Variants in ZNF236 observed in about 807,000 individuals in gnomAD.
ZNF236 encodes the protein regulated by glucose.
ZNF236 carries 50 observed loss-of-function variants against 191.2 expected under a neutral mutation model. The observed-to-expected ratio is 0.26, with a 90% CI of 0.21 to 0.33. The LOEUF is 0.33. Among genes scored for constraint, ZNF236 ranks in the 10% least tolerant of loss-of-function variants. The pLI, the probability that ZNF236 is intolerant of heterozygous loss-of-function variation, is 1.00. For synonymous variants in ZNF236, 907 were observed against 928.8 expected, an observed-to-expected ratio of 0.98 and a Z score of 0.43; for missense variants, 1,754 against 2,374.5, an observed-to-expected ratio of 0.74 and a Z score of 5.43.
intron 26 of ZNF236, among the ~76,000 whole-genome samples, chr18:76,944,264 A>T (rs755757528): frequency 1.3e-5 from 2 of 152,150 alleles, no homozygotes; most frequent in Non-Finnish European, 2.9e-5. Context: ...TTACATTCTC[A>T]TGTTGCAAAA....
At chr18:76,860,833 C>A (rs986498136) in intron 3 of ZNF236, among the ~76,000 whole-genome samples, 1 of 152,220 alleles carries the variant, frequency 6.6e-6, no homozygotes, top group Admixed American at 6.5e-5. Flanking sequence ...TTACTACTCA[C>A]CCCTGCTTCT....
Position 76,880,300 on chromosome 18 carries a change from A to G in ZNF236, c.1172A>G (p.Asn391Ser), listed in dbSNP as rs769684485. ...GQQLSITVGI[N>S]QDILQQALEN... The stretch of plus-strand genomic sequence containing the variant: ...CAGCTGAGCATCACAGTGGGCATCA[A>G]CCAGGACATTTTACAGGTGAAGCAC... Residue 391 changes from asparagine (N) to serine (S), a missense_variant, in exon 8 of 31, where the codon AAC becomes AGC. This residue lies in a region of ZNF236 where 336 missense variants were observed against 495.1 expected (regional missense o/e 0.68). Coordinates refer to ENST00000320610, the MANE Select transcript of ZNF236 (RefSeq NM_001306089.2). This position sits in a 1 kb window ranked among gnomAD's most constrained non-coding sequence, Gnocchi z 5.0. 11 of 1,612,520 alleles carry G rather than the reference A, an allele frequency of 6.8e-6. No individual in the cohort carries two copies. The highest frequency in any genetic ancestry group is 1.3e-5 in the African/African-American group (1 of 74,870).
chr18:76,836,086 T>C (rs1306767314), intron 1 of ZNF236, among the ~76,000 whole-genome samples: 3 of 152,010 alleles, frequency 2.0e-5, no homozygotes, highest in African/African-American at 4.8e-5. Flanking sequence ...TTTTGTATTT[T>C]TAGTAGAGAC....
intron 30 of ZNF236, among the ~76,000 whole-genome samples, chr18:76,965,174 T>C (rs536028827): frequency 1.3e-5 from 2 of 152,342 alleles, no homozygotes; most frequent in East Asian, 1.9e-4. Flanking sequence ...TTCTATTCTA[T>C]TGCTGAGACT....
intron 28 of ZNF236, among the ~76,000 whole-genome samples, 154 bp from the exon 29 acceptor site, chr18:76,959,533 G>A (rs760340472): frequency 2.0e-5 from 3 of 152,140 alleles, no homozygotes; most frequent in Non-Finnish European, 4.4e-5. Context: ...TGTCACTACC[G>A]ATGCATTGAA....
chr18:76,954,036 C>T (rs1273079130), intron 27 of ZNF236, among the ~76,000 whole-genome samples: 1 of 152,166 alleles, frequency 6.6e-6, no homozygotes, highest in African/African-American at 2.4e-5. Flanking sequence ...AATCATCTCA[C>T]ACTCATTCTG....
At chr18:76,874,932 G>C (rs1013936771) in intron 5 of ZNF236, among the ~76,000 whole-genome samples, 14 of 152,220 alleles carry the variant, frequency 9.2e-5, no homozygotes, top group African/African-American at 3.1e-4. Flanking sequence ...TTTACTCTAG[G>C]GGGGATTGGA....
chr18:76,877,085 C>G (rs534866428), intron 6 of ZNF236, among the ~76,000 whole-genome samples: 125 of 152,308 alleles, frequency 8.2e-4, no homozygotes, highest in African/African-American at 2.9e-3. Flanking sequence ...AGCTAGCCTT[C>G]ATAGTTCTAC....
chr18:76,849,817 A>C, intron 2 of ZNF236, 149 bp downstream of exon 2: 1 of 734,914 alleles, frequency 1.4e-6, no homozygotes, highest in Non-Finnish European at 1.9e-6. Flanking sequence ...GCCTTTTTAA[A>C]AGTTGTAGTT....
intron 27 of ZNF236, 141 bp downstream of exon 27, chr18:76,947,793 C>A: frequency 2.1e-6 from 2 of 952,202 alleles, no homozygotes; most frequent in Non-Finnish European, 3.0e-6. Flanking sequence ...CCGGCTGAAT[C>A]CTGAGTGGAC....
chr18:76,839,754 T>C (rs1218656807), intron 1 of ZNF236, among the ~76,000 whole-genome samples: 4 of 152,196 alleles, frequency 2.6e-5, no homozygotes, highest in Non-Finnish European at 4.4e-5. Context: ...CTCTCCACAG[T>C]TCTCTGTGGC....
At position 76,951,546 on chromosome 18, in the gene ZNF236, G is replaced by A. The variant is rs186132174; in HGVS notation, c.4914+3894G>A. The stretch of plus-strand genomic sequence containing the variant: ...TAACATGGAAGAGAGTTAGAGTCTT[G>A]CTCTGGATTAGGCTTTGGCTTAAGC... On this transcript the variant is annotated intron_variant, in intron 27 of 30. Transcript: ENST00000320610. Among the ~76,000 whole-genome samples, 25 of 152,318 alleles carry A rather than the reference G, an allele frequency of 1.6e-4. No homozygotes were observed. In the East Asian group the frequency reaches 4.8e-3, roughly 29 times the overall value.
At chr18:76,955,325 G>A (rs1416062690) in intron 27 of ZNF236, among the ~76,000 whole-genome samples, 1 of 152,130 alleles carries the variant, frequency 6.6e-6, no homozygotes, top group Non-Finnish European at 1.5e-5. Flanking sequence ...GCTGGGGTGG[G>A]AGGATTGCTT....
intron 1 of ZNF236, chr18:76,841,106 G>A (rs1975483475): frequency 6.6e-6 from 1 of 152,212 alleles, no homozygotes; most frequent in Non-Finnish European, 1.5e-5. Flanking sequence ...ACCCGGCTAA[G>A]TTTTATATTT....
intron 19 of ZNF236, among the ~76,000 whole-genome samples, chr18:76,918,948 G>A (rs1465758447): frequency 1.3e-5 from 2 of 152,158 alleles, no homozygotes; most frequent in Non-Finnish European, 2.9e-5. Flanking sequence ...CTATGGATGT[G>A]GAAGGCACAG....
At chr18:76,861,098 A>C (rs1017013814) in intron 3 of ZNF236, among the ~76,000 whole-genome samples, 4 of 152,192 alleles carry the variant, frequency 2.6e-5, no homozygotes, top group African/African-American at 9.7e-5. Flanking sequence ...ACATGAGCAG[A>C]GGGGAAAAAG....
At chr18:76,943,178 T>G (rs1315565067) in intron 26 of ZNF236, among the ~76,000 whole-genome samples, 1 of 151,642 alleles carries the variant, frequency 6.6e-6, no homozygotes. Context: ...GCAAAAAATT[T>G]GGAATATATA....
intron 11 of ZNF236, among the ~76,000 whole-genome samples, chr18:76,903,580 C>T (rs1041056723): frequency 3.3e-5 from 5 of 152,134 alleles, no homozygotes; most frequent in Non-Finnish European, 1.5e-5. Flanking sequence ...AAAATCTTGG[C>T]CAATGCCTCC....
Position 76,926,634 on chromosome 18 carries a change from G to A in ZNF236, c.4028-403G>A, listed in dbSNP as rs914810970. ...GGTATAAAGGGTGATTAGACAGTGT[G>A]TGTATATATGGTATAAAGGGTGATT... On this transcript the variant is annotated intron_variant, in intron 22 of 30. Transcript: ENST00000320610. Among the ~76,000 whole-genome samples, 44 of 151,858 alleles carry A rather than the reference G, an allele frequency of 2.9e-4. No individual in the cohort carries two copies. In the East Asian group the frequency reaches 8.4e-3, roughly 29 times the overall value.
Sources: gnomAD v4.1 joint callset for allele counts (sites outside exome capture counted in the v4.1 genomes callset) on GRCh38, gnomAD v4.1.1 for gene constraint, gnomAD v4.1.1 regional missense constraint, Gnocchi (gnomAD v3.1) non-coding constraint, MANE v1.5 for transcripts, NCBI Gene and HGNC (gene_info 2026-07-23, HGNC 2026-07-21) for gene names.